GFM1: variants seen among roughly 807,000 people sequenced by gnomAD.
GFM1 encodes the protein elongation factor G, mitochondrial.
Under a neutral mutation model 96.2 loss-of-function variants are expected in GFM1, and 62 were observed. That is an observed-to-expected ratio of 0.64 (90% CI 0.53 to 0.80). The LOEUF (loss-of-function observed/expected upper bound fraction) is 0.80, where lower values mean the gene tolerates loss of function less well. Among genes scored for constraint, GFM1 ranks in the 30% least tolerant of loss-of-function variants. GFM1 has a pLI of 0.00. For synonymous variants in GFM1, 282 were observed against 312.9 expected (o/e 0.90, Z 1.04); for missense variants, 852 against 916.6 (o/e 0.93, Z 0.91).
In GFM1 at chr3:158,646,810, C is replaced by G. The variant is rs765316378; in HGVS notation, c.435C>G (p.Leu145=). The G allele has an allele frequency of 3.1e-6, 5 of 1,614,056 alleles. No homozygotes were observed. The Admixed American group carries it at 6.7e-5, about 22-fold the overall frequency. The change falls in exon 4 of 18, where the codon CTC becomes CTG. Residue 145 remains leucine, a synonymous_variant. Coordinates refer to ENST00000486715, the MANE Select transcript of GFM1 (RefSeq NM_024996.7). ...TGTTGGATGGTGCAGTCCTTGTTCT[C>G]TGTGCTGTTGGAGGGGTACAGTGCC... ...LRVLDGAVLV[L]CAVGGVQCQT... is the part of the protein sequence containing the mutation.
At chr3:158,660,601 T>G (rs1027881041) in intron 9 of GFM1, 1 of 434,954 alleles carries the variant, frequency 2.3e-6, no homozygotes, top group South Asian at 2.2e-5. Context: ...AGGCACTGTG[T>G]TGTTAGTACT....
chr3:158,658,491 ACG>A (rs1722944121), intron 8 of GFM1, among the ~76,000 whole-genome samples: 1 of 151,916 alleles, frequency 6.6e-6, no homozygotes, highest in African/African-American at 2.4e-5. Flanking sequence ...ATAATTTTCC[ACG>A]TGATTGTCAG....
At position 158,646,886 on chromosome 3, in the gene GFM1, A is replaced by G; in HGVS notation, c.511A>G (p.Thr171Ala). 1 of 1,614,148 alleles carries G rather than the reference A, an allele frequency of 6.2e-7. No individual in the cohort carries two copies. Among genetic ancestry groups the G allele is most frequent in the Non-Finnish European group, 8.5e-7 (1 of 1,180,038 alleles). ...GAAGCGCTACAACGTTCCGTTTCTA[A>G]CTTTTATTAACAAATTGGACCGAAT... ...QMKRYNVPFL[T>A]FINKLDRMGS... The change falls in exon 4 of 18, where the codon ACT becomes GCT. Residue 171 changes from threonine (T) to alanine (A), a missense_variant. Coordinates refer to ENST00000486715, the MANE Select transcript of GFM1 (RefSeq NM_024996.7).
intron 13 of GFM1, among the ~76,000 whole-genome samples, chr3:158,673,032 C>T (rs1230218921): frequency 1.3e-5 from 2 of 152,114 alleles, no homozygotes; most frequent in Non-Finnish European, 2.9e-5. Flanking sequence ...GGTAGTGATT[C>T]GATTCCTTCA....
intron 8 of GFM1, chr3:158,655,658 A>C (rs1184976282): frequency 4.7e-6 from 1 of 211,484 alleles, no homozygotes; most frequent in Non-Finnish European, 9.8e-6. Context: ...AGAATATTTT[A>C]AAGAAAAGTT....
chr3:158,669,035 T>C (rs765901131), intron 13 of GFM1: 7 of 1,613,440 alleles, frequency 4.3e-6, no homozygotes, highest in East Asian at 2.2e-5. Context: ...TTTTATACCA[T>C]GTGTCTTCAG....
intron 15 of GFM1, among the ~76,000 whole-genome samples, chr3:158,688,061 A>G (rs562478023): frequency 3.4e-4 from 52 of 151,444 alleles, no homozygotes; most frequent in Non-Finnish European, 6.8e-4. Context: ...TACTATTATT[A>G]TATGTTATAT....
At position 158,675,306 on chromosome 3, in the gene GFM1, A is replaced by C. The variant is rs1009939906; in HGVS notation, c.1602-6689A>C. Among the ~76,000 whole-genome samples, 31 of 146,204 alleles carry C rather than the reference A, an allele frequency of 2.1e-4. No homozygotes were observed. The East Asian group carries it at 4.3e-3, about 20-fold the overall frequency. On this transcript the variant is annotated intron_variant, in intron 13 of 17. Coordinates refer to ENST00000486715, the MANE Select transcript of GFM1 (RefSeq NM_024996.7). ...ATCTCAAAAAAAAAAAAAAAAAAAAAAAAACAAGTTTTCAAGATAAAAGAG... is the reference window on the plus strand; with the variant it reads ...ATCTCAAAAAAAAAAAAAAAAAAAACAAAACAAGTTTTCAAGATAAAAGAG...
intron 13 of GFM1, chr3:158,668,919 G>A: frequency 7.6e-7 from 1 of 1,317,438 alleles, no homozygotes. Flanking sequence ...TAGGAATACT[G>A]TTAATCCAAT....
At position 158,652,074 on chromosome 3, in the gene GFM1, A is replaced by G. The variant is rs892517916; in HGVS notation, c.690-22A>G. 5 of 1,610,924 alleles carry G rather than the reference A, an allele frequency of 3.1e-6. No homozygotes were observed. The African/African-American group carries it at 6.7e-5, about 22-fold the overall frequency. ...ATATTAAGTTGAATATCCTTAAAGC[A>G]CCAAAATATTTGCTTTCTTAGTCAG... is the stretch of plus-strand genomic sequence containing the variant. On this transcript the variant is annotated intron_variant, in intron 5 of 17. Coordinates refer to ENST00000486715, the MANE Select transcript of GFM1 (RefSeq NM_024996.7).
At chr3:158,646,407 C>T in intron 3 of GFM1, 110 bp downstream of exon 3, 2 of 1,118,270 alleles carry the variant, frequency 1.8e-6, no homozygotes, top group Non-Finnish European at 2.7e-6. Flanking sequence ...AAAAGTGTAA[C>T]ACTGAATTCC....
intron 13 of GFM1, among the ~76,000 whole-genome samples, chr3:158,675,113 C>T (rs930286701): frequency 6.6e-6 from 1 of 151,584 alleles, no homozygotes; most frequent in African/African-American, 2.4e-5. Flanking sequence ...ATGGTGAAAC[C>T]CCGTCTCTAC....
In GFM1 at chr3:158,694,034, TG is replaced by T. The variant is rs1196448596; in HGVS notation, c.*2571del. ...AACAACTGTTTTTTTTTTTAAGAGA[TG>T]GGGTCTTCTAAGACAAAAACCATCT... On this transcript the variant is annotated 3_prime_UTR_variant, in exon 18 of 18. Coordinates refer to ENST00000486715, the MANE Select transcript of GFM1 (RefSeq NM_024996.7). Among the ~76,000 whole-genome samples, 1 of 151,932 alleles carries T rather than the reference TG, an allele frequency of 6.6e-6. No homozygotes were observed.
rs1457429938 is a variant in GFM1, at chr3:158,659,082, A to T, written c.1221+23A>T. 5 of 1,613,982 alleles carry T rather than the reference A, an allele frequency of 3.1e-6. No homozygotes were observed. In the East Asian group the frequency reaches 1.1e-4, roughly 36 times the overall value. On this transcript the variant is annotated intron_variant, in intron 9 of 17. Coordinates refer to ENST00000486715, the MANE Select transcript of GFM1 (RefSeq NM_024996.7). ...GAGGCAAGTACAGAGTCATTGTGAG[A>T]TTAGAAATTCCTCTGATGTGGGTGA...
intron 3 of GFM1, 69 bp downstream of exon 3, chr3:158,646,366 G>T: frequency 1.3e-6 from 2 of 1,526,818 alleles, no homozygotes; most frequent in Non-Finnish European, 1.8e-6. Context: ...CTCTTACTGT[G>T]ACCCAATTAG....
intron 13 of GFM1, 64 bp downstream of exon 13, chr3:158,666,450 A>T (rs1723692206): frequency 7.5e-7 from 1 of 1,337,204 alleles, no homozygotes; most frequent in Admixed American, 1.7e-5. Context: ...TTGGATATAC[A>T]TACCACTATT....
At chr3:158,653,846 G>A (rs9859175) in intron 7 of GFM1, among the ~76,000 whole-genome samples, 63,057 of 151,806 alleles carry the variant, frequency 0.42, 14,238 homozygotes, top group African/African-American at 0.6. Context: ...CAAGGCGGGC[G>A]GATCACCTGA....
chr3:158,679,332 T>G (rs922061647), intron 13 of GFM1, among the ~76,000 whole-genome samples: 1 of 152,242 alleles, frequency 6.6e-6, no homozygotes, highest in Admixed American at 6.5e-5. Context: ...ATTAGCTTCA[T>G]TGCAGTGGTC....
chr3:158,665,508 A>G (rs755465549), intron 12 of GFM1, 34 bp downstream of exon 12: 4 of 1,561,954 alleles, frequency 2.6e-6, no homozygotes, highest in Non-Finnish European at 3.5e-6. Flanking sequence ...GTTGAAATCA[A>G]TTTATTACTG....
Sources: gnomAD v4.1 joint callset for allele counts (sites outside exome capture counted in the v4.1 genomes callset) on GRCh38, gnomAD v4.1.1 for gene constraint, MANE v1.5 for transcripts, NCBI Gene and HGNC (gene_info 2026-07-23, HGNC 2026-07-21) for gene names.